Variants in NUP85 observed in about 807,000 individuals in gnomAD.
NUP85 encodes the protein nuclear pore complex protein Nup85.
In NUP85, 23 loss-of-function variants were observed where a neutral mutation model predicts 92.8. The ratio of observed to expected loss-of-function variants is 0.25; its 90% CI spans 0.18 to 0.35. The LOEUF (loss-of-function observed/expected upper bound fraction) is 0.35. Ranked by LOEUF, NUP85 falls within the 10% of genes least tolerant of loss-of-function variation. The pLI is 1.00. For synonymous variants in NUP85, 314 were observed against 306.9 expected (o/e 1.02, Z -0.24); for missense variants, 759 against 822.8 (o/e 0.92, Z 0.95).
rs575920608 is a variant in NUP85, at chr17:75,231,227, C to T, written c.1095-113C>T. 3.7e-5 allele frequency: 37 copies of T among 995,570 alleles called. No individual in the cohort carries two copies. The highest frequency in any genetic ancestry group is 1.1e-4 in the Admixed American group (6 of 55,530). 61.7% of individuals were successfully genotyped at this position (995,570 alleles called of 1,614,324 possible). On this transcript the variant is annotated intron_variant, in intron 11 of 18. Coordinates refer to ENST00000245544, the MANE Select transcript of NUP85 (RefSeq NM_024844.5). The surrounding 1 kb of genome is among the most constrained non-coding windows in gnomAD (Gnocchi z 4.6). ...CACGGGCATGAGCTATCATCACGCC[C>T]GGCCCCATCTCTTTGAGGGACAGGA...
Position 75,231,445 on chromosome 17 carries a change from A to C in NUP85, c.1178+22A>C. 6.2e-7 allele frequency: 1 copy of C among 1,613,490 alleles called. No individual in the cohort carries two copies. The highest frequency in any genetic ancestry group is 8.5e-7 in the Non-Finnish European group (1 of 1,179,428). On this transcript the variant is annotated intron_variant, in intron 12 of 18. Coordinates refer to ENST00000245544, the MANE Select transcript of NUP85 (RefSeq NM_024844.5). The surrounding 1 kb of genome is among the most constrained non-coding windows in gnomAD (Gnocchi z 4.6). ...TCTAGTAAGTGGCCGGGAGGCACCG[A>C]TCCTCCTCTTCTTACCACCAGGCCC...
At chr17:75,212,272 TTTTTTTTTTTTTTTG>T (rs2075298486) in intron 4 of NUP85, among the ~76,000 whole-genome samples, 1 of 84,710 alleles carries the variant, frequency 1.2e-5, no homozygotes, top group Non-Finnish European at 2.4e-5. Context: ...TTTTTTTTTT[TTTTTTTTTTTTTTTG>T]AGACCGAGTG....
intron 5 of NUP85, among the ~76,000 whole-genome samples, chr17:75,214,378 G>A (rs1284622475): frequency 6.6e-6 from 1 of 152,152 alleles, no homozygotes; most frequent in East Asian, 1.9e-4. Context: ...GCAAGGTCCA[G>A]GTCTGATTTA....
At chr17:75,230,765 T>C (rs866774053) in intron 11 of NUP85, among the ~76,000 whole-genome samples, 30 of 152,206 alleles carry the variant, frequency 2.0e-4, no homozygotes, top group South Asian at 4.1e-4. Flanking sequence ...ATTCAAAAGC[T>C]ACTTTCTAGC....
chr17:75,206,369 CTT>C (rs1173624440), intron 1 of NUP85, among the ~76,000 whole-genome samples: 2 of 152,070 alleles, frequency 1.3e-5, no homozygotes, highest in Admixed American at 1.3e-4. Flanking sequence ...TGTTTTCCCT[CTT>C]GTTAACCAGA....
intron 16 of NUP85, among the ~76,000 whole-genome samples, chr17:75,234,133 C>T (rs1312458620): frequency 6.6e-6 from 1 of 151,424 alleles, no homozygotes; most frequent in Non-Finnish European, 1.5e-5. Flanking sequence ...CTCACTGCAA[C>T]CTCCACCTCC....
At position 75,231,074 on chromosome 17, in the gene NUP85, G is replaced by A; in HGVS notation, c.1095-266G>A. On this transcript the variant is annotated intron_variant, in intron 11 of 18. Transcript: ENST00000245544. The surrounding 1 kb of genome is among the most constrained non-coding windows in gnomAD (Gnocchi z 4.6). The stretch of plus-strand genomic sequence containing the variant: ...AGCTTCTCGAGTAGCTGGGATTACA[G>A]GTGTGTGCCACCATGCCTGGCTAAT... 1 of 429,174 alleles carries A rather than the reference G, an allele frequency of 2.3e-6. No individual in the cohort carries two copies. Among genetic ancestry groups the A allele is most frequent in the Non-Finnish European group, 4.4e-6 (1 of 229,878 alleles). The allele number at this position is 429,174 out of a possible 1,614,324, so 26.6% of individuals were successfully genotyped here.
Position 75,209,897 on chromosome 17 carries a change from T to G in NUP85, c.202T>G (p.Leu68Val). The G allele has an allele frequency of 6.3e-7, 1 of 1,587,338 alleles. No individual in the cohort carries two copies. Among genetic ancestry groups the G allele is most frequent in the Non-Finnish European group, 8.5e-7 (1 of 1,173,370 alleles). Reference protein sequence around the residue: ...RKDVDVYSQILRKLFNESHGI... With the variant: ...RKDVDVYSQIVRKLFNESHGI... Reference sequence around the variant, plus strand: ...GGATGTAGATGTTTACTCTCAAATCTTGAGAAAACTCTTCAATGAATCCCA... The same window carrying G: ...GGATGTAGATGTTTACTCTCAAATCGTGAGAAAACTCTTCAATGAATCCCA... The change falls in exon 3 of 19, where the codon TTG (leucine) becomes GTG (valine). Residue 68 changes from leucine (L) to valine (V), a missense_variant. Transcript: ENST00000245544.
intron 8 of NUP85, 27 bp downstream of exon 8, chr17:75,225,264 G>C (rs1475988508): frequency 1.2e-6 from 2 of 1,606,670 alleles, no homozygotes; most frequent in Admixed American, 3.3e-5. Context: ...TTGCTCTGCT[G>C]GGTCACAGGA....
rs186602058 is a variant in NUP85 at position 75,211,338 on chromosome 17, T to C, written c.291-654T>C. Among the ~76,000 whole-genome samples the C allele has an allele frequency of 1.3e-3, 190 of 151,964 alleles. 1 individual carries two copies. The highest frequency in any genetic ancestry group is 1.9e-3 in the Non-Finnish European group (126 of 67,978). On this transcript the variant is annotated intron_variant, in intron 3 of 18. Coordinates refer to ENST00000245544, the MANE Select transcript of NUP85 (RefSeq NM_024844.5). ...ATTTAAGGGACTCTAGTGGAGAATA[T>C]TGGTGAGTTTGAGAAATCTATTGTC...
At chr17:75,228,470 C>T (rs2075909905) in intron 11 of NUP85, 1 of 985,424 alleles carries the variant, frequency 1.0e-6, no homozygotes, top group Non-Finnish European at 1.2e-6. Context: ...AAAAGCAGAG[C>T]TTGTCCCAGG....
rs1292939190 is a variant in NUP85 at position 75,212,270 on chromosome 17, T to G, written c.361+208T>G. On this transcript the variant is annotated intron_variant, in intron 4 of 18. Coordinates refer to ENST00000245544, the MANE Select transcript of NUP85 (RefSeq NM_024844.5). ...TTGTTTTTTTTTTTTTTTTTTTTTT[T>G]TTTTTTTTTTTTTTTTGAGACCGAG... Among the ~76,000 whole-genome samples the G allele has an allele frequency of 2.2e-3, 155 of 70,634 alleles. 4 individuals are homozygous for G. The highest frequency in any genetic ancestry group is 7.6e-3 in the African/African-American group (145 of 19,162). 46.3% of individuals were successfully genotyped at this position (70,634 alleles called of 152,430 possible). A position where few individuals can be genotyped will look rare whatever the true frequency, so the allele number is the denominator to read the frequency against.
intron 11 of NUP85, chr17:75,226,659 A>G: frequency 2.6e-6 from 1 of 386,470 alleles, no homozygotes; most frequent in Non-Finnish European, 5.1e-6. Context: ...GACTTGCCAC[A>G]GGTAGATAAT....
rs1264298362 is a variant in NUP85, at chr17:75,232,982, G to C, written c.1514+14G>C. The C allele has an allele frequency of 1.9e-6, 3 of 1,613,678 alleles. No individual in the cohort carries two copies. Among genetic ancestry groups the C allele is most frequent in the Non-Finnish European group, 2.5e-6 (3 of 1,179,552 alleles). ...CGTGTCAGACAGGTGGGTGCCGCTA[G>C]TGTTGGCTTCCCAGGGACTGGGTGG... On this transcript the variant is annotated intron_variant, in intron 15 of 18. Transcript: ENST00000245544.
At chr17:75,220,900 T>TTTTTTTG (rs2075578125) in intron 7 of NUP85, among the ~76,000 whole-genome samples, 1 of 143,384 alleles carries the variant, frequency 7.0e-6, no homozygotes, top group African/African-American at 2.6e-5. Flanking sequence ...TTTTTTTTTT[T>TTTTTTTG]AGCTGGAGTC....
chr17:75,207,677 A>G (rs2075126394), intron 1 of NUP85, among the ~76,000 whole-genome samples: 1 of 150,098 alleles, frequency 6.7e-6, no homozygotes, highest in Admixed American at 6.7e-5. Flanking sequence ...ATGGGGTTTC[A>G]CCATCTTGGT....
At chr17:75,220,220 G>A (rs2075557601) in intron 7 of NUP85, among the ~76,000 whole-genome samples, 1 of 151,960 alleles carries the variant, frequency 6.6e-6, no homozygotes, top group Non-Finnish European at 1.5e-5. Flanking sequence ...TGCCTCCGGG[G>A]TTCAAGTGAT....
At chr17:75,206,149 C>G (rs1451057471) in intron 1 of NUP85, among the ~76,000 whole-genome samples, 1 of 152,156 alleles carries the variant, frequency 6.6e-6, no homozygotes, top group African/African-American at 2.4e-5. Context: ...TTAAGCTCTG[C>G]ATCGCGGCAC....
chr17:75,231,293 G>A lies in NUP85; in HGVS notation c.1095-47G>A, dbSNP rs755270581. The A allele has an allele frequency of 3.8e-6, 6 of 1,592,666 alleles. No individual in the cohort carries two copies. The highest frequency in any genetic ancestry group is 1.7e-5 in the Admixed American group (1 of 59,968). ...GCTCACCCCCACTCTTGTGGGACGC[G>A]GCCTGTGCCCTGATTTTCCTTCTTG... On this transcript the variant is annotated intron_variant, in intron 11 of 18. Coordinates refer to ENST00000245544, the MANE Select transcript of NUP85 (RefSeq NM_024844.5). This position sits in a 1 kb window ranked among gnomAD's most constrained non-coding sequence, Gnocchi z 4.6.
Sources: allele counts gnomAD v4.1 joint callset (sites outside exome capture counted in the v4.1 genomes callset), GRCh38; gene constraint gnomAD v4.1.1; non-coding constraint Gnocchi (gnomAD v3.1); transcripts MANE v1.5; gene names NCBI Gene and HGNC (gene_info 2026-07-23, HGNC 2026-07-21).